RBMS3: variants seen among roughly 807,000 people sequenced by gnomAD.
The protein encoded by RBMS3 is RNA-binding motif, single-stranded-interacting protein 3.
A neutral mutation model predicts 66.8 loss-of-function variants in RBMS3; 27 were observed. The observed-to-expected ratio is 0.40, with a 90% CI of 0.30 to 0.56. The LOEUF (loss-of-function observed/expected upper bound fraction) is 0.56. RBMS3 is among the 20% of genes least tolerant of loss of function. RBMS3 has a pLI of 0.40. For missense variants in RBMS3, 513 were observed against 549.5 expected (o/e 0.93, Z 0.66); for synonymous variants, 188 against 183.0 (o/e 1.03, Z -0.22).
At chr3:29,834,712 GAAGA>G (rs778897525) in intron 6 of RBMS3, among the ~76,000 whole-genome samples, 17 of 151,972 alleles carry the variant, frequency 1.1e-4, no homozygotes, top group East Asian at 1.9e-4. Flanking sequence ...TAGCAAGAAA[GAAGA>G]AAGAATCAAA....
chr3:29,585,212 A>C (rs1348173595), intron 3 of RBMS3, among the ~76,000 whole-genome samples: 1 of 152,160 alleles, frequency 6.6e-6, no homozygotes, highest in Non-Finnish European at 1.5e-5. Flanking sequence ...TGTAAGGTAC[A>C]AGGTGGTTCC....
chr3:29,680,066 C>T (rs1023372995), intron 4 of RBMS3, among the ~76,000 whole-genome samples: 1 of 152,166 alleles, frequency 6.6e-6, no homozygotes. Context: ...GCTCTTTGCA[C>T]TTGTTTTACA....
At chr3:29,993,614 A>C (rs1699023172) in intron 14 of RBMS3, among the ~76,000 whole-genome samples, 1 of 152,054 alleles carries the variant, frequency 6.6e-6, no homozygotes, top group African/African-American at 2.4e-5. Flanking sequence ...AAAAGATTGA[A>C]CCTCTCATGA....
intron 4 of RBMS3, chr3:29,616,615 A>G (rs923231381): frequency 1.3e-5 from 2 of 152,328 alleles, no homozygotes; most frequent in African/African-American, 2.4e-5. Context: ...CTTTGTAGCC[A>G]ATTCCTTCCT....
chr3:29,717,401 A>T (rs1303860829), intron 4 of RBMS3, among the ~76,000 whole-genome samples: 2 of 152,088 alleles, frequency 1.3e-5, no homozygotes, highest in Admixed American at 1.3e-4. Flanking sequence ...TATTAATCTT[A>T]TGCATTCATT....
At chr3:29,918,100 A>G (rs1029680742) in intron 10 of RBMS3, among the ~76,000 whole-genome samples, 13 of 152,276 alleles carry the variant, frequency 8.5e-5, no homozygotes, top group African/African-American at 3.1e-4. Context: ...GAGCTGGGAC[A>G]GGTATGTTTC....
chr3:29,422,445 T>A lies in RBMS3; in HGVS notation c.76-12298T>A, dbSNP rs1299686465. Among the ~76,000 whole-genome samples the A allele has an allele frequency of 2.7e-5, 4 of 148,302 alleles. No individual in the cohort carries two copies. In the Admixed American group the frequency reaches 2.7e-4, roughly 10 times the overall value. On this transcript the variant is annotated intron_variant, in intron 1 of 14. Transcript: ENST00000383767. ...TAATAATCACACAAAAAAGAAAAGA[T>A]GCATCTGGAATTGGATGTGCCTATA...
chr3:29,695,801 T>A (rs1017854161), intron 4 of RBMS3, among the ~76,000 whole-genome samples: 1 of 152,222 alleles, frequency 6.6e-6, no homozygotes, highest in African/African-American at 2.4e-5. Flanking sequence ...TCTTGCTTCA[T>A]TGAGTTTCAC....
chr3:29,295,354 TATAC>T (rs2033182343), intron 1 of RBMS3, among the ~76,000 whole-genome samples: 1 of 145,764 alleles, frequency 6.9e-6, no homozygotes, highest in African/African-American at 2.5e-5. Context: ...TACATATATA[TATAC>T]ACACACATAT....
At chr3:29,953,399 G>A (rs960355432) in intron 12 of RBMS3, among the ~76,000 whole-genome samples, 2 of 151,884 alleles carry the variant, frequency 1.3e-5, no homozygotes, top group African/African-American at 2.4e-5. Flanking sequence ...GAAAATTGTT[G>A]ATAATCTTCG....
chr3:29,357,303 G>GT (rs1279772030), intron 1 of RBMS3, among the ~76,000 whole-genome samples: 2 of 152,084 alleles, frequency 1.3e-5, no homozygotes, highest in East Asian at 1.9e-4. Context: ...GCGGTGTTTG[G>GT]TTTTTTGTCC....
At chr3:29,519,009 C>T (rs1325890446) in intron 3 of RBMS3, among the ~76,000 whole-genome samples, 1 of 152,056 alleles carries the variant, frequency 6.6e-6, no homozygotes, top group Non-Finnish European at 1.5e-5. Flanking sequence ...ACGCAGAGAG[C>T]AAATTCTGCG....
intron 6 of RBMS3, among the ~76,000 whole-genome samples, chr3:29,835,591 A>T (rs1176594736): frequency 6.6e-6 from 1 of 151,986 alleles, no homozygotes; most frequent in East Asian, 1.9e-4. Context: ...GAAAATGGAA[A>T]CACAACATAC....
intron 1 of RBMS3, among the ~76,000 whole-genome samples, chr3:29,363,924 A>G (rs541588576): frequency 6.6e-6 from 1 of 152,260 alleles, no homozygotes; most frequent in Non-Finnish European, 1.5e-5. Flanking sequence ...TTAATGTGGC[A>G]AAGATGAGCA....
At chr3:29,475,555 C>T (rs7629495) in intron 2 of RBMS3, among the ~76,000 whole-genome samples, 41,437 of 152,046 alleles carry the variant, frequency 0.27, 5,952 homozygotes, top group Admixed American at 0.39. Flanking sequence ...CAGCCAATTT[C>T]TCCTTTTCTT....
At chr3:29,422,160 CT>C (rs1225826056) in intron 1 of RBMS3, among the ~76,000 whole-genome samples, 1 of 152,100 alleles carries the variant, frequency 6.6e-6, no homozygotes, top group Non-Finnish European at 1.5e-5. Flanking sequence ...AGATTTGAGC[CT>C]GCGTTGTGTG....
At chr3:29,984,455 CT>C (rs1296742063) in intron 12 of RBMS3, among the ~76,000 whole-genome samples, 1 of 151,922 alleles carries the variant, frequency 6.6e-6, no homozygotes, top group Non-Finnish European at 1.5e-5. Flanking sequence ...TGTTCTCTCA[CT>C]GGCGAGAAGT....
intron 7 of RBMS3, among the ~76,000 whole-genome samples, chr3:29,877,992 A>G (rs1487865828): frequency 1.3e-5 from 2 of 152,098 alleles, no homozygotes; most frequent in Admixed American, 1.3e-4. Context: ...CTGGTTTTGT[A>G]GAAGATAAGT....
At chr3:29,809,006 A>G (rs1262951807) in intron 6 of RBMS3, among the ~76,000 whole-genome samples, 1 of 151,958 alleles carries the variant, frequency 6.6e-6, no homozygotes, top group Non-Finnish European at 1.5e-5. Flanking sequence ...ACAGTGATGG[A>G]AAAGACATCT....
Sources: allele counts gnomAD v4.1 joint callset (sites outside exome capture counted in the v4.1 genomes callset), GRCh38; gene constraint gnomAD v4.1.1; transcripts MANE v1.5; gene names NCBI Gene and HGNC (gene_info 2026-07-23, HGNC 2026-07-21).